The following WDR59 variants were observed in gnomAD, a reference collection of about 807,000 sequenced individuals.
WDR59 encodes WD repeat domain 59, also known as GATOR2 complex protein WDR59.
Under a neutral mutation model 131.2 loss-of-function variants are expected in WDR59, and 100 were observed. That is an observed-to-expected ratio of 0.76 (90% CI 0.65 to 0.90). WDR59 has a LOEUF of 0.90. WDR59 is among the 40% of genes least tolerant of loss of function. The probability of loss-of-function intolerance (pLI) is 0.00; values close to 1 mark genes in which losing one functional copy is unlikely to be tolerated. For synonymous variants in WDR59, 601 were observed against 466.2 expected (o/e 1.29, Z -3.72); for missense variants, 1,203 against 1,262.2 (o/e 0.95, Z 0.71).
chr16:74,896,540 C>A (rs2144849680), intron 18 of WDR59, among the ~76,000 whole-genome samples: 1 of 151,850 alleles, frequency 6.6e-6, no homozygotes, highest in East Asian at 1.9e-4. Context: ...GAGGCTGAGG[C>A]AGGAGAATTG....
intron 3 of WDR59, among the ~76,000 whole-genome samples, chr16:74,951,863 G>C (rs1028551760): frequency 2.0e-5 from 3 of 152,038 alleles, no homozygotes; most frequent in Non-Finnish European, 4.4e-5. Context: ...AAAATGTCCC[G>C]GCCACTAGAG....
intron 5 of WDR59, 39 bp downstream of exon 5, chr16:74,949,679 A>G: frequency 6.3e-7 from 1 of 1,588,842 alleles, no homozygotes; most frequent in African/African-American, 1.3e-5. Flanking sequence ...GTCCCAAATC[A>G]CCCCCAACCA....
rs1402102912 is a variant in WDR59, at chr16:74,873,469, G to A, written c.*740C>T. ...CATTTTCTCTTGTCAGATGACAAAA[G>A]TAAATCAGCATTTCCTTTAAAAATC... On this transcript the variant is annotated 3_prime_UTR_variant, in exon 26 of 26. Coordinates refer to ENST00000262144, the MANE Select transcript of WDR59 (RefSeq NM_030581.4). The A allele has an allele frequency of 6.6e-6, 1 of 152,122 alleles. No homozygotes were observed. The highest frequency in any genetic ancestry group is 1.5e-5 in the Non-Finnish European group (1 of 68,020). 9.4% of individuals were successfully genotyped at this position (152,122 alleles called of 1,614,324 possible).
At chr16:74,953,409 G>C (rs2033114756) in intron 3 of WDR59, among the ~76,000 whole-genome samples, 1 of 150,870 alleles carries the variant, frequency 6.6e-6, no homozygotes, top group Non-Finnish European at 1.5e-5. Flanking sequence ...GGAAGCAGAG[G>C]CTGCAATGAA....
rs1049696064 is a variant in WDR59, at chr16:74,888,377, C to A, written c.2196-58G>T. 4 of 1,544,318 alleles carry A rather than the reference C, an allele frequency of 2.6e-6. No individual in the cohort carries two copies. In the African/African-American group the frequency reaches 4.1e-5, roughly 16 times the overall value. ...CAGGAGGAGGGATTGAGGAGGAAAG[C>A]GGTCACAGTCATGGCGTGTTACTGC... On this transcript the variant is annotated intron_variant, in intron 21 of 25. Transcript: ENST00000262144.
At chr16:74,979,837 C>G (rs541786766) in intron 1 of WDR59, among the ~76,000 whole-genome samples, 2 of 96,066 alleles carry the variant, frequency 2.1e-5, no homozygotes, top group Admixed American at 1.6e-4. Flanking sequence ...CCACACCCGG[C>G]CTTTTTTTTT....
chr16:74,901,495 C>A (rs761978705), intron 18 of WDR59, among the ~76,000 whole-genome samples: 1 of 151,688 alleles, frequency 6.6e-6, no homozygotes, highest in Non-Finnish European at 1.5e-5. Context: ...TTTTAATTAA[C>A]TGGGTGATGT....
Position 74,953,818 on chromosome 16 carries a change from G to A in WDR59, c.241-2275C>T, listed in dbSNP as rs548544736. ...AGATCGAGACCATCCTGGCTAACAG[G>A]GCGAAACCCTGTCTCTACTAAAAAT... On this transcript the variant is annotated intron_variant, in intron 3 of 25. Coordinates refer to ENST00000262144, the MANE Select transcript of WDR59 (RefSeq NM_030581.4). Among the ~76,000 whole-genome samples, 60 of 151,612 alleles carry A rather than the reference G, an allele frequency of 4.0e-4. 1 individual carries two copies. The highest frequency in any genetic ancestry group is 2.5e-3 in the South Asian group (12 of 4,788).
intron 8 of WDR59, among the ~76,000 whole-genome samples, chr16:74,937,112 A>G (rs1223952858): frequency 1.3e-5 from 2 of 152,324 alleles, no homozygotes; most frequent in East Asian, 1.9e-4. Flanking sequence ...AGACCTGACC[A>G]CAAGGAGGAA....
At chr16:74,940,572 C>T (rs2032138508) in intron 7 of WDR59, among the ~76,000 whole-genome samples, 1 of 152,152 alleles carries the variant, frequency 6.6e-6, no homozygotes, top group Non-Finnish European at 1.5e-5. Context: ...TGACACTGAA[C>T]TTTGTGAAGT....
chr16:74,899,282 G>A (rs1965435583), intron 18 of WDR59, among the ~76,000 whole-genome samples: 1 of 152,144 alleles, frequency 6.6e-6, no homozygotes, highest in Non-Finnish European at 1.5e-5. Flanking sequence ...AACTAGACCA[G>A]GACTGTAAAA....
chr16:74,950,701 C>T (rs552674487), intron 4 of WDR59, among the ~76,000 whole-genome samples: 68 of 152,144 alleles, frequency 4.5e-4, no homozygotes, highest in Non-Finnish European at 7.5e-4. Flanking sequence ...GACTGGGAGG[C>T]GGCTGTGCCC....
intron 7 of WDR59, 21 bp from the exon 8 acceptor site, chr16:74,938,287 A>G: frequency 7.0e-7 from 1 of 1,433,662 alleles, no homozygotes; most frequent in Non-Finnish European, 9.3e-7. Flanking sequence ...TCAGCACCTA[A>G]TATTATCGAT....
At chr16:74,878,866 G>A (rs1964342162) in intron 25 of WDR59, among the ~76,000 whole-genome samples, 1 of 152,208 alleles carries the variant, frequency 6.6e-6, no homozygotes, top group Non-Finnish European at 1.5e-5. Context: ...ACTAGCCAGA[G>A]CCATTTCGCT....
intron 2 of WDR59, among the ~76,000 whole-genome samples, chr16:74,959,197 C>T (rs1222763905): frequency 6.6e-6 from 1 of 152,208 alleles, no homozygotes; most frequent in Admixed American, 6.5e-5. Flanking sequence ...TCATTCCTCT[C>T]TCTATGCAGC....
Position 74,923,909 on chromosome 16 carries a change from C to T in WDR59, c.729+17G>A. 6.2e-7 allele frequency: 1 copy of T among 1,611,010 alleles called. No individual in the cohort carries two copies. Among genetic ancestry groups the T allele is most frequent in the Non-Finnish European group, 8.5e-7 (1 of 1,178,696 alleles). ...CAAAAAGAAGTTTCTTATCAAGAGG[C>T]AGGGTGGCTCACTCACTGTGTATCT... On this transcript the variant is annotated intron_variant, in intron 9 of 25. Transcript: ENST00000262144.
intron 22 of WDR59, 32 bp downstream of exon 22, chr16:74,888,137 A>T: frequency 1.3e-6 from 2 of 1,541,362 alleles, no homozygotes; most frequent in Non-Finnish European, 1.7e-6. Flanking sequence ...AAAAAAAAAA[A>T]ATCAGACAAA....
At chr16:74,963,093 T>C (rs1714501946) in intron 2 of WDR59, 2 of 151,848 alleles carry the variant, frequency 1.3e-5, no homozygotes, top group African/African-American at 2.4e-5. Flanking sequence ...CCGTTTCTAC[T>C]AAAATACAAA....
chr16:74,933,649 T>C (rs1357662518), intron 8 of WDR59, among the ~76,000 whole-genome samples: 1 of 152,172 alleles, frequency 6.6e-6, no homozygotes, highest in Non-Finnish European at 1.5e-5. Flanking sequence ...GCATGTGGCA[T>C]GATCTCAGCT....
Sources: allele counts gnomAD v4.1 joint callset (sites outside exome capture counted in the v4.1 genomes callset), GRCh38; gene constraint gnomAD v4.1.1; transcripts MANE v1.5; gene names NCBI Gene and HGNC (gene_info 2026-07-23, HGNC 2026-07-21).